PRR5L: variants seen among roughly 807,000 people sequenced by gnomAD.
PRR5L encodes proline rich 5 like, also known as proline-rich protein 5-like.
A neutral mutation model predicts 36.4 loss-of-function variants in PRR5L; 21 were observed. The ratio of observed to expected loss-of-function variants is 0.58; its 90% CI spans 0.41 to 0.83. The LOEUF is 0.83. PRR5L is among the 40% of genes least tolerant of loss of function. PRR5L has a pLI of 0.00. For synonymous variants in PRR5L, 188 were observed against 197.0 expected, an observed-to-expected ratio of 0.95 and a Z score of 0.38; for missense variants, 381 against 473.3, an observed-to-expected ratio of 0.80 and a Z score of 1.81.
intron 1 of PRR5L, among the ~76,000 whole-genome samples, chr11:36,361,791 C>T (rs1857090811): frequency 6.6e-6 from 1 of 152,110 alleles, no homozygotes; most frequent in South Asian, 2.1e-4. Flanking sequence ...TTGTTTTTCT[C>T]CTTTGTTTTA....
intron 4 of PRR5L, among the ~76,000 whole-genome samples, chr11:36,427,040 C>T (rs1283299355): frequency 2.0e-5 from 3 of 152,222 alleles, no homozygotes; most frequent in Non-Finnish European, 4.4e-5. Flanking sequence ...ACCTTTCCAA[C>T]CCACCCTCTG....
At chr11:36,373,192 T>G (rs1347798887) in intron 1 of PRR5L, among the ~76,000 whole-genome samples, 1 of 152,118 alleles carries the variant, frequency 6.6e-6, no homozygotes, top group African/African-American at 2.4e-5. Context: ...ATTTCAGAGG[T>G]TGTGGACATG....
At chr11:36,438,925 ACCC>A (rs1468106725) in intron 6 of PRR5L, among the ~76,000 whole-genome samples, 3 of 151,932 alleles carry the variant, frequency 2.0e-5, no homozygotes, top group Non-Finnish European at 4.4e-5. Flanking sequence ...ACAGAGCAAA[ACCC>A]TGTCTCGAAA....
chr11:36,416,098 T>C (rs958434829), intron 3 of PRR5L, among the ~76,000 whole-genome samples: 1 of 152,250 alleles, frequency 6.6e-6, no homozygotes, highest in Non-Finnish European at 1.5e-5. Context: ...AGAATTCCAT[T>C]GCCTGGATGA....
At chr11:36,334,904 T>TACTTCCACTGAGCTCTGACTGCAAAAC (rs568432137) in intron 1 of PRR5L, among the ~76,000 whole-genome samples, 1 of 152,046 alleles carries the variant, frequency 6.6e-6, no homozygotes, top group Non-Finnish European at 1.5e-5. Flanking sequence ...AATAATTTTG[T>TACTTCCACTGAGCTCTGACTGCAAAAC]ACTTCCACTG....
At position 36,401,687 on chromosome 11, in the gene PRR5L, C is replaced by G. The variant is rs138042733; in HGVS notation, c.164+402C>G. Reference sequence around the variant, plus strand: ...CCTCAAGGGATCACTCCCACCTCGGCCTTCCAAAGCGCTGGGATTATGGGT... The same window carrying G: ...CCTCAAGGGATCACTCCCACCTCGGGCTTCCAAAGCGCTGGGATTATGGGT... On this transcript the variant is annotated intron_variant, in intron 2 of 8. Coordinates refer to ENST00000530639, the MANE Select transcript of PRR5L (RefSeq NM_001160167.2). Among the ~76,000 whole-genome samples, 592 of 152,280 alleles carry G rather than the reference C, an allele frequency of 3.9e-3. 3 individuals carry two copies. Among genetic ancestry groups the G allele is most frequent in the African/African-American group, 0.014 (566 of 41,544 alleles).
At chr11:36,414,436 G>C (rs1456864124) in intron 3 of PRR5L, among the ~76,000 whole-genome samples, 1 of 148,620 alleles carries the variant, frequency 6.7e-6, no homozygotes, top group African/African-American at 2.5e-5. Context: ...TCTCACTGTG[G>C]TTTTGATTTG....
intron 4 of PRR5L, among the ~76,000 whole-genome samples, chr11:36,423,903 C>T (rs1317579612): frequency 6.6e-6 from 1 of 152,170 alleles, no homozygotes; most frequent in African/African-American, 2.4e-5. Flanking sequence ...TGAGGGGGAG[C>T]CAGACTGGGG....
chr11:36,369,898 G>A (rs561050313), intron 1 of PRR5L, among the ~76,000 whole-genome samples: 273 of 152,214 alleles, frequency 1.8e-3, no homozygotes, highest in African/African-American at 6.4e-3. Flanking sequence ...TGCCCAGCCT[G>A]CAACTCAGTA....
intron 3 of PRR5L, among the ~76,000 whole-genome samples, chr11:36,405,823 T>A (rs1857898437): frequency 6.6e-6 from 1 of 152,180 alleles, no homozygotes; most frequent in African/African-American, 2.4e-5. Context: ...GGAAGATGTG[T>A]ACTGTGTGTA....
chr11:36,405,849 G>T (rs1295297897), intron 3 of PRR5L, among the ~76,000 whole-genome samples: 1 of 152,102 alleles, frequency 6.6e-6, no homozygotes, highest in Non-Finnish European at 1.5e-5. Context: ...GACCTCTTTT[G>T]TACTTGATGG....
chr11:36,315,229 A>G (rs1449113462), intron 1 of PRR5L, among the ~76,000 whole-genome samples: 2 of 152,206 alleles, frequency 1.3e-5, no homozygotes, highest in African/African-American at 4.8e-5. Context: ...GGGGAGATGA[A>G]ATGAGATACT....
intron 1 of PRR5L, among the ~76,000 whole-genome samples, chr11:36,320,198 T>G (rs1856599346): frequency 6.6e-6 from 1 of 151,694 alleles, no homozygotes; most frequent in Non-Finnish European, 1.5e-5. Context: ...TCTCTGGGTC[T>G]CAGTTCTTCA....
intron 6 of PRR5L, among the ~76,000 whole-genome samples, chr11:36,443,696 G>GATGAT (rs1456452754): frequency 6.6e-6 from 1 of 152,146 alleles, no homozygotes; most frequent in African/African-American, 2.4e-5. Flanking sequence ...AAATGTGTTG[G>GATGAT]AATCACAGCA....
chr11:36,312,946 C>T (rs1251314573), intron 1 of PRR5L, among the ~76,000 whole-genome samples: 1 of 152,224 alleles, frequency 6.6e-6, no homozygotes, highest in Non-Finnish European at 1.5e-5. Context: ...CATTTCCATT[C>T]CAGCTTCCAA....
At chr11:36,413,219 C>T (rs371411152) in intron 3 of PRR5L, among the ~76,000 whole-genome samples, 13 of 152,310 alleles carry the variant, frequency 8.5e-5, no homozygotes, top group African/African-American at 3.1e-4. Context: ...GGACTCCTGG[C>T]CCCCTTTCCT....
At chr11:36,384,278 C>T (rs1416212187) in intron 1 of PRR5L, among the ~76,000 whole-genome samples, 1 of 152,222 alleles carries the variant, frequency 6.6e-6, no homozygotes, top group South Asian at 2.1e-4. Context: ...AGCTTTGCTT[C>T]GTAACTCCAG....
At chr11:36,368,941 C>A (rs563593876) in intron 1 of PRR5L, among the ~76,000 whole-genome samples, 1 of 152,028 alleles carries the variant, frequency 6.6e-6, no homozygotes, top group Non-Finnish European at 1.5e-5. Context: ...TAAAGAGAGT[C>A]GTGAGACAAA....
rs540375018 is a variant in PRR5L at position 36,308,359 on chromosome 11, AGG to A, written c.-126+11924_-126+11925del. Among the ~76,000 whole-genome samples, 105 of 152,286 alleles carry A rather than the reference AGG, an allele frequency of 6.9e-4. 2 individuals carry two copies. The East Asian group carries it at 0.02, about 29-fold the overall frequency. ...TCTTCAGGCCCCAATCCTCAAAGAA[AGG>A]GGATTTGAAAGTTTGGTTTGAGGCA... On this transcript the variant is annotated intron_variant, in intron 1 of 8. Coordinates refer to ENST00000530639, the MANE Select transcript of PRR5L (RefSeq NM_001160167.2).
Sources: allele counts gnomAD v4.1 joint callset (sites outside exome capture counted in the v4.1 genomes callset), GRCh38; gene constraint gnomAD v4.1.1; transcripts MANE v1.5; gene names NCBI Gene and HGNC (gene_info 2026-07-23, HGNC 2026-07-21).